Variants in ZER1 observed in about 807,000 individuals in gnomAD.
ZER1 encodes the protein zyg-11 related cell cycle regulator, also known as protein zer-1 homolog.
A neutral mutation model predicts 78.8 loss-of-function variants in ZER1; 11 were observed. The ratio of observed to expected loss-of-function variants is 0.14; its 90% CI spans 0.09 to 0.23. ZER1 has a LOEUF of 0.23. Ranked by LOEUF, ZER1 falls within the 10% of genes least tolerant of loss-of-function variation. The pLI is 1.00. For missense variants in ZER1, 588 were observed against 996.9 expected (o/e 0.59, Z 5.52); for synonymous variants, 400 against 407.0 (o/e 0.98, Z 0.21).
chr9:128,735,248 G>GC, intron 14 of ZER1, 86 bp downstream of exon 14: 1 of 1,223,274 alleles, frequency 8.2e-7, no homozygotes, highest in Non-Finnish European at 1.1e-6. Context: ...AGCAATTAAT[G>GC]CCCCCCTCCT....
rs1307687206 is a variant in ZER1 at position 128,731,235 on chromosome 9, C to T, written c.*102G>A. ...AAAAGTCCCCCATGTCTCTTCACTC[C>T]GTGGGAGGCTCCCTCGGAAGGGGCC... On this transcript the variant is annotated 3_prime_UTR_variant, in exon 16 of 16. Coordinates refer to ENST00000291900, the MANE Select transcript of ZER1 (RefSeq NM_006336.4). The T allele has an allele frequency of 8.1e-6, 9 of 1,104,784 alleles. No homozygotes were observed. Among genetic ancestry groups the T allele is most frequent in the South Asian group, 3.0e-5 (2 of 66,842 alleles). The allele number at this position is 1,104,784 out of a possible 1,614,324, so 68.4% of individuals were successfully genotyped here.
rs1257303180 is a variant in ZER1 at position 128,740,747 on chromosome 9, AAG to A, written c.1853+23_1853+24del. The A allele has an allele frequency of 1.3e-6, 1 of 779,716 alleles. No homozygotes were observed. Among genetic ancestry groups the A allele is most frequent in the African/African-American group, 1.7e-5 (1 of 59,026 alleles). 48.3% of individuals were successfully genotyped at this position (779,716 alleles called of 1,614,324 possible). ...TGAGCATTGTGGCAGCTAAGGCAAA[AAG>A]GGAAAGGATTAAAAATACCAACCTG... is the stretch of plus-strand genomic sequence containing the variant. On this transcript the variant is annotated intron_variant, in intron 12 of 15. Transcript: ENST00000291900. This position sits in a 1 kb window ranked among gnomAD's most constrained non-coding sequence, Gnocchi z 4.4.
rs1250447271 is a variant in ZER1, at chr9:128,751,434, G to A, written c.1017C>T (p.Leu339=). 10 of 1,614,012 alleles carry A rather than the reference G, an allele frequency of 6.2e-6. No individual in the cohort carries two copies. The highest frequency in any genetic ancestry group is 8.5e-6 in the Non-Finnish European group (10 of 1,180,044). The change falls in exon 6 of 16, where the codon CTC becomes CTT. Residue 339 remains leucine (L), a synonymous_variant. Coordinates refer to ENST00000291900, the MANE Select transcript of ZER1 (RefSeq NM_006336.4). The surrounding 1 kb of genome is among the most constrained non-coding windows in gnomAD (Gnocchi z 5.4). ...LGLFENSLCR[L]THIPAYKVSG... ...TCACTTTGTAGGCTGGAATGTGCGTGAGGCGGCACAGAGAGTTCTCAAAGA... is the reference window on the plus strand; with the variant it reads ...TCACTTTGTAGGCTGGAATGTGCGTAAGGCGGCACAGAGAGTTCTCAAAGA...
chr9:128,768,897 C>T lies in ZER1; in HGVS notation c.-95+2684G>A, dbSNP rs1169399528. ...TCCAAGTCACATTCATTTCAACACCCTCATTTTGCCTATTTTACGTGGTAG... is the reference window on the plus strand; with the variant it reads ...TCCAAGTCACATTCATTTCAACACCTTCATTTTGCCTATTTTACGTGGTAG... On this transcript the variant is annotated intron_variant, in intron 1 of 15. Transcript: ENST00000291900. Among the ~76,000 whole-genome samples the T allele has an allele frequency of 2.6e-5, 4 of 152,286 alleles. No individual in the cohort carries two copies. In the East Asian group the frequency reaches 7.7e-4, roughly 29 times the overall value.
chr9:128,766,766 A>C (rs1457405381), intron 1 of ZER1, among the ~76,000 whole-genome samples: 1 of 142,494 alleles, frequency 7.0e-6, no homozygotes, highest in Non-Finnish European at 1.5e-5. Flanking sequence ...GAATCGCTTG[A>C]ACCTAGGAGG....
chr9:128,759,146 G>A (rs570578253), intron 1 of ZER1, among the ~76,000 whole-genome samples: 1 of 151,820 alleles, frequency 6.6e-6, no homozygotes, highest in African/African-American at 2.4e-5. Flanking sequence ...ACAGGCATGG[G>A]CCACCGCGCC....
intron 1 of ZER1, among the ~76,000 whole-genome samples, chr9:128,764,502 G>A (rs1283513878): frequency 2.0e-5 from 3 of 152,222 alleles, no homozygotes; most frequent in South Asian, 2.1e-4. Context: ...CAGTTGTCAC[G>A]GTCACCAAAA....
intron 1 of ZER1, among the ~76,000 whole-genome samples, chr9:128,761,178 G>C (rs374364372): frequency 2.0e-5 from 3 of 151,516 alleles, no homozygotes; most frequent in South Asian, 2.1e-4. Flanking sequence ...AAAAAGGGAG[G>C]GGGGGATAAT....
At chr9:128,752,044 T>C (rs151125272) in intron 5 of ZER1, among the ~76,000 whole-genome samples, 1 of 152,298 alleles carries the variant, frequency 6.6e-6, no homozygotes, top group East Asian at 1.9e-4. Flanking sequence ...CTCCTCATGC[T>C]CTCACCTACT....
intron 1 of ZER1, among the ~76,000 whole-genome samples, chr9:128,771,045 C>T (rs1438787372): frequency 2.0e-5 from 3 of 152,152 alleles, no homozygotes; most frequent in Non-Finnish European, 2.9e-5. Flanking sequence ...AATGGACTGA[C>T]AAACACAGGC....
intron 1 of ZER1, among the ~76,000 whole-genome samples, chr9:128,759,956 C>T (rs572245317): frequency 5.9e-5 from 9 of 151,520 alleles, no homozygotes; most frequent in South Asian, 2.1e-4. Flanking sequence ...CACGGCTCAC[C>T]GCAGCCTTGA....
intron 1 of ZER1, among the ~76,000 whole-genome samples, chr9:128,763,139 T>G (rs1249721111): frequency 6.6e-6 from 1 of 152,176 alleles, no homozygotes; most frequent in Non-Finnish European, 1.5e-5. Flanking sequence ...ACTTTCTAAT[T>G]TAAATACTGC....
At chr9:128,731,456 T>C in intron 15 of ZER1, 62 bp from the exon 16 acceptor site, 1 of 1,345,414 alleles carries the variant, frequency 7.4e-7, no homozygotes, top group Non-Finnish European at 1.1e-6. Flanking sequence ...GCCCAGCCCC[T>C]CCGAGATCAT....
chr9:128,734,193 T>TAA (rs1380800206), intron 14 of ZER1, among the ~76,000 whole-genome samples: 1 of 100,160 alleles, frequency 1.0e-5, no homozygotes, highest in Non-Finnish European at 2.1e-5. Context: ...TATATATATA[T>TAA]AATAGATATA....
At chr9:128,737,600 G>A (rs1589518287) in intron 13 of ZER1, among the ~76,000 whole-genome samples, 1 of 152,206 alleles carries the variant, frequency 6.6e-6, no homozygotes, top group South Asian at 2.1e-4. Context: ...TTGACTTAAA[G>A]TAATGAAATC....
chr9:128,738,205 C>T (rs1331719714), intron 13 of ZER1, among the ~76,000 whole-genome samples: 6 of 146,104 alleles, frequency 4.1e-5, no homozygotes, highest in African/African-American at 1.0e-4. Flanking sequence ...CCACCACGCC[C>T]GGCTAATTTT....
chr9:128,770,070 TG>T (rs1319689111), intron 1 of ZER1, among the ~76,000 whole-genome samples: 1 of 152,150 alleles, frequency 6.6e-6, no homozygotes, highest in East Asian at 1.9e-4. Context: ...CTGACTTTCT[TG>T]CCAACCACTC....
In ZER1 at chr9:128,753,115, C is replaced by T. The variant is rs1250034931; in HGVS notation, c.746+49G>A. On this transcript the variant is annotated intron_variant, in intron 4 of 15. Transcript: ENST00000291900. The surrounding 1 kb of genome is among the most constrained non-coding windows in gnomAD (Gnocchi z 7.5). ...GACAACACCCACCTCTACTCCTCCC[C>T]ACCTGCCCCCCAAACCCCACCCTGG... 7 of 1,478,080 alleles carry T rather than the reference C, an allele frequency of 4.7e-6. No individual in the cohort carries two copies. The highest frequency in any genetic ancestry group is 5.4e-6 in the Non-Finnish European group (6 of 1,112,474). 91.6% of individuals were successfully genotyped at this position (1,478,080 alleles called of 1,614,324 possible).
Position 128,753,662 on chromosome 9 carries a change from T to C in ZER1, c.310-62A>G, listed in dbSNP as rs1228445407. 6 of 1,583,390 alleles carry C rather than the reference T, an allele frequency of 3.8e-6. No homozygotes were observed. In the East Asian group the frequency reaches 1.3e-4, roughly 36 times the overall value. On this transcript the variant is annotated intron_variant, in intron 3 of 15. Transcript: ENST00000291900. This position sits in a 1 kb window ranked among gnomAD's most constrained non-coding sequence, Gnocchi z 7.5. ...TTGCCCCTTCCCCCGGCCCCAGGCC[T>C]TGCCCTGGGCTACAGGTGGGTTGGA...
Sources: allele counts gnomAD v4.1 joint callset (sites outside exome capture counted in the v4.1 genomes callset), GRCh38; gene constraint gnomAD v4.1.1; non-coding constraint Gnocchi (gnomAD v3.1); transcripts MANE v1.5; gene names NCBI Gene and HGNC (gene_info 2026-07-23, HGNC 2026-07-21).